LHFPL3: variants seen among roughly 807,000 people sequenced by gnomAD.
LHFPL3 encodes LHFPL tetraspan subfamily member 3 protein.
Under a neutral mutation model 19.3 loss-of-function variants are expected in LHFPL3, and 5 were observed. The observed-to-expected ratio is 0.26, with a 90% CI of 0.14 to 0.54. LHFPL3 has a LOEUF of 0.54. LHFPL3 is among the 20% of genes least tolerant of loss of function. LHFPL3 has a pLI of 0.94. For missense variants in LHFPL3, 249 were observed against 307.4 expected (o/e 0.81, Z 1.42); for synonymous variants, 133 against 126.2 (o/e 1.05, Z -0.36).
chr7:104,530,871 C>A (rs1441908592), intron 1 of LHFPL3, among the ~76,000 whole-genome samples: 1 of 152,192 alleles, frequency 6.6e-6, no homozygotes, highest in Non-Finnish European at 1.5e-5. Context: ...ATTTACTTGT[C>A]TGGTAATAAA....
At chr7:104,791,536 G>A (rs1292412941) in intron 2 of LHFPL3, among the ~76,000 whole-genome samples, 1 of 152,000 alleles carries the variant, frequency 6.6e-6, no homozygotes, top group African/African-American at 2.4e-5. Flanking sequence ...CTGTTTTTCT[G>A]GATCTTTGGA....
At chr7:104,430,837 C>T (rs1239325353) in intron 1 of LHFPL3, among the ~76,000 whole-genome samples, 3 of 152,014 alleles carry the variant, frequency 2.0e-5, no homozygotes, top group African/African-American at 7.2e-5. Context: ...CAGCTCCCTC[C>T]TCCACCCCAT....
rs576718700 is a variant in LHFPL3, at chr7:104,882,496, C to T, written c.683-23691C>T. Among the ~76,000 whole-genome samples the T allele has an allele frequency of 2.0e-5, 3 of 152,314 alleles. No homozygotes were observed. The South Asian group carries it at 6.2e-4, about 32-fold the overall frequency. Reference sequence around the variant, plus strand: ...CTCCTGACCTCAGATGATCTGCCCACCTTGGCCTCCCAAAGTGCTGGGATT... The same window carrying T: ...CTCCTGACCTCAGATGATCTGCCCATCTTGGCCTCCCAAAGTGCTGGGATT... On this transcript the variant is annotated intron_variant, in intron 2 of 2. Transcript: ENST00000424859.
Position 104,736,707 on chromosome 7 carries a change from C to T in LHFPL3, c.478C>T (p.Pro160Ser). The T allele has an allele frequency of 6.2e-7, 1 of 1,613,296 alleles. No homozygotes were observed. Among genetic ancestry groups the T allele is most frequent in the Non-Finnish European group, 8.5e-7 (1 of 1,179,724 alleles). Residue 160 changes from proline (P) to serine (S), a missense_variant, in exon 2 of 3, where the codon CCT becomes TCT. By Grantham distance (74) the Pro-to-Ser change is moderately conservative. Transcript: ENST00000424859. ...ACLVLGCMIF[P>S]DGWDSDEVKR... Reference sequence around the variant, plus strand: ...CCTTGTGCTTGGCTGTATGATTTTCCCTGATGGCTGGGACTCAGATGAAGT... The same window carrying T: ...CCTTGTGCTTGGCTGTATGATTTTCTCTGATGGCTGGGACTCAGATGAAGT...
At chr7:104,809,050 A>T (rs1423606040) in intron 2 of LHFPL3, among the ~76,000 whole-genome samples, 1 of 151,950 alleles carries the variant, frequency 6.6e-6, no homozygotes, top group Non-Finnish European at 1.5e-5. Context: ...TGGTGCCACC[A>T]GGCCCAGCTA....
At chr7:104,600,869 G>C (rs549876524) in intron 1 of LHFPL3, among the ~76,000 whole-genome samples, 3 of 152,304 alleles carry the variant, frequency 2.0e-5, no homozygotes, top group African/African-American at 7.2e-5. Context: ...CATCAGCTAA[G>C]GGGTATTGAC....
chr7:104,677,166 A>G (rs1337086071), intron 1 of LHFPL3, among the ~76,000 whole-genome samples: 2 of 152,218 alleles, frequency 1.3e-5, no homozygotes, highest in African/African-American at 4.8e-5. Context: ...TTTTGAGGCC[A>G]GGAGTTCAAG....
chr7:104,827,898 G>A (rs908824852), intron 2 of LHFPL3, among the ~76,000 whole-genome samples: 3 of 151,928 alleles, frequency 2.0e-5, no homozygotes, highest in African/African-American at 7.3e-5. Flanking sequence ...AAGGAGGCTA[G>A]ACCCTCTTCC....
Position 104,441,400 on chromosome 7 carries a change from G to A in LHFPL3, c.445+112176G>A, listed in dbSNP as rs191112596. 1.5e-4 allele frequency among the ~76,000 whole-genome samples: 23 copies of A among 152,080 alleles called. No individual in the cohort carries two copies. The East Asian group carries it at 4.5e-3, about 29-fold the overall frequency. Reference sequence around the variant, plus strand: ...CAGGTTCACTCATGTTGTTGCATACGGCAGAATTTTCTTCCTCTTTAAGGC... The same window carrying A: ...CAGGTTCACTCATGTTGTTGCATACAGCAGAATTTTCTTCCTCTTTAAGGC... On this transcript the variant is annotated intron_variant, in intron 1 of 2. Transcript: ENST00000424859.
At chr7:104,870,264 A>G (rs546903242) in intron 2 of LHFPL3, among the ~76,000 whole-genome samples, 24 of 152,316 alleles carry the variant, frequency 1.6e-4, no homozygotes, top group African/African-American at 5.8e-4. Context: ...AAACTTCTGT[A>G]CAAAAGACAG....
At chr7:104,393,823 G>C (rs1791128881) in intron 1 of LHFPL3, among the ~76,000 whole-genome samples, 2 of 152,180 alleles carry the variant, frequency 1.3e-5, no homozygotes, top group South Asian at 4.1e-4. Flanking sequence ...TGAAAATATT[G>C]TGCTGAGTGA....
At chr7:104,885,613 A>C (rs1380783198) in intron 2 of LHFPL3, among the ~76,000 whole-genome samples, 2 of 151,848 alleles carry the variant, frequency 1.3e-5, no homozygotes, top group Non-Finnish European at 2.9e-5. Flanking sequence ...ATCCCACCTC[A>C]CCACTTCAAC....
At chr7:104,346,558 C>T (rs1226737050) in intron 1 of LHFPL3, among the ~76,000 whole-genome samples, 1 of 152,078 alleles carries the variant, frequency 6.6e-6, no homozygotes, top group African/African-American at 2.4e-5. Context: ...CTACTCAAAA[C>T]TCATGAATCT....
chr7:104,577,860 T>G (rs1396208973), intron 1 of LHFPL3, among the ~76,000 whole-genome samples: 1 of 152,336 alleles, frequency 6.6e-6, no homozygotes, highest in East Asian at 1.9e-4. Flanking sequence ...CTGACATCTT[T>G]AATAAGTGCT....
At chr7:104,733,891 T>A (rs546846830) in intron 1 of LHFPL3, among the ~76,000 whole-genome samples, 9 of 152,326 alleles carry the variant, frequency 5.9e-5, no homozygotes, top group African/African-American at 2.2e-4. Context: ...AGTGCTTCCT[T>A]CAGGAGCTCT....
chr7:104,566,107 G>A (rs1247248416), intron 1 of LHFPL3, among the ~76,000 whole-genome samples: 1 of 152,062 alleles, frequency 6.6e-6, no homozygotes, highest in Admixed American at 6.6e-5. Context: ...CAGCATTTTG[G>A]GAGGTCGGGG....
chr7:104,479,716 A>G (rs1248181853), intron 1 of LHFPL3, among the ~76,000 whole-genome samples: 1 of 152,098 alleles, frequency 6.6e-6, no homozygotes, highest in African/African-American at 2.4e-5. Flanking sequence ...TGCAACTGTT[A>G]AACAGCCCTG....
intron 2 of LHFPL3, among the ~76,000 whole-genome samples, chr7:104,762,921 G>C (rs1275517058): frequency 1.3e-5 from 2 of 152,138 alleles, no homozygotes; most frequent in Non-Finnish European, 2.9e-5. Context: ...CTAACCCAAG[G>C]CTCTGCAGTC....
chr7:104,485,800 G>A, intron 1 of LHFPL3, among the ~76,000 whole-genome samples: 1 of 152,082 alleles, frequency 6.6e-6, no homozygotes, highest in African/African-American at 2.4e-5. Flanking sequence ...GCCTCGCTCG[G>A]TGTGTGATGT....
Sources: allele counts gnomAD v4.1 joint callset (sites outside exome capture counted in the v4.1 genomes callset), GRCh38; gene constraint gnomAD v4.1.1; transcripts MANE v1.5; gene names NCBI Gene and HGNC (gene_info 2026-07-23, HGNC 2026-07-21).